The following SHC3 variants were observed in gnomAD, a reference collection of about 807,000 sequenced individuals.
The protein encoded by SHC3 is SHC-transforming protein 3.
In SHC3, 15 loss-of-function variants were observed where a neutral mutation model predicts 60.4. That is an observed-to-expected ratio of 0.25 (90% CI 0.17 to 0.38). The LOEUF is 0.38. Among genes scored for constraint, SHC3 ranks in the 10% least tolerant of loss-of-function variants. The probability of loss-of-function intolerance (pLI) is 1.00; values close to 1 mark genes in which losing one functional copy is unlikely to be tolerated. For synonymous variants in SHC3, 294 were observed against 325.9 expected (o/e 0.90, Z 1.05); for missense variants, 677 against 786.1 (o/e 0.86, Z 1.66).
At chr9:89,112,688 A>T in intron 1 of SHC3, 62 bp from the exon 2 acceptor site, 1 of 1,465,272 alleles carries the variant, frequency 6.8e-7, no homozygotes, top group Non-Finnish European at 9.2e-7. Flanking sequence ...ACAACTCCTA[A>T]CTATACAAGG....
At chr9:89,133,238 G>T (rs370199732) in intron 1 of SHC3, among the ~76,000 whole-genome samples, 1 of 152,062 alleles carries the variant, frequency 6.6e-6, no homozygotes, top group Admixed American at 6.6e-5. Context: ...TTAGAATGGC[G>T]ATCATTAAAA....
At chr9:89,081,959 G>A (rs1040478800) in intron 2 of SHC3, among the ~76,000 whole-genome samples, 1 of 152,034 alleles carries the variant, frequency 6.6e-6, no homozygotes, top group Non-Finnish European at 1.5e-5. Flanking sequence ...CAGGGGTGGA[G>A]AGGTGACACT....
chr9:89,071,144 G>T (rs1187695010), intron 5 of SHC3, 55 bp downstream of exon 5: 4 of 1,539,294 alleles, frequency 2.6e-6, no homozygotes, highest in Non-Finnish European at 3.6e-6. Flanking sequence ...TGAAGCAGGG[G>T]TCCCTTCTCA....
intron 6 of SHC3, among the ~76,000 whole-genome samples, chr9:89,061,670 C>T (rs1825092560): frequency 6.6e-6 from 1 of 152,230 alleles, no homozygotes; most frequent in Admixed American, 6.5e-5. Flanking sequence ...CCATGGTCAA[C>T]CTCAGTCCAA....
chr9:89,089,108 T>G (rs1825579871), intron 2 of SHC3, among the ~76,000 whole-genome samples: 1 of 152,202 alleles, frequency 6.6e-6, no homozygotes, highest in Non-Finnish European at 1.5e-5. Context: ...GTATTTCCCC[T>G]TTCTGATCAC....
chr9:89,164,508 G>A (rs894532950), intron 1 of SHC3, among the ~76,000 whole-genome samples: 1 of 152,008 alleles, frequency 6.6e-6, no homozygotes, highest in African/African-American at 2.4e-5. Context: ...CAGGAGATGA[G>A]GCTCCAGAAG....
chr9:89,050,493 C>T (rs1038189546), intron 7 of SHC3, among the ~76,000 whole-genome samples: 1 of 152,204 alleles, frequency 6.6e-6, no homozygotes. Context: ...ACTCTGTTGG[C>T]CAGGCTGGTC....
chr9:89,091,036 C>T (rs185651450), intron 2 of SHC3, among the ~76,000 whole-genome samples: 1 of 152,262 alleles, frequency 6.6e-6, no homozygotes, highest in African/African-American at 2.4e-5. Context: ...GATCTGAACA[C>T]ATGAAAACTC....
intron 1 of SHC3, among the ~76,000 whole-genome samples, chr9:89,113,881 A>T (rs1159597685): frequency 6.6e-6 from 1 of 152,210 alleles, no homozygotes; most frequent in Non-Finnish European, 1.5e-5. Flanking sequence ...GAGAAATATG[A>T]ATTAGGCTAC....
At chr9:89,087,505 C>T (rs542414306) in intron 2 of SHC3, among the ~76,000 whole-genome samples, 25 of 152,280 alleles carry the variant, frequency 1.6e-4, no homozygotes, top group Middle Eastern at 6.8e-3. Context: ...CACCACAGAG[C>T]CCAGGCAATC....
At chr9:89,020,148 C>A (rs903000819) in intron 11 of SHC3, among the ~76,000 whole-genome samples, 39 of 152,030 alleles carry the variant, frequency 2.6e-4, no homozygotes, top group African/African-American at 9.2e-4. Flanking sequence ...TAGGCTAGGG[C>A]AGAAATGCAC....
At chr9:89,143,365 A>G (rs1826422722) in intron 1 of SHC3, among the ~76,000 whole-genome samples, 1 of 151,284 alleles carries the variant, frequency 6.6e-6, no homozygotes, top group Admixed American at 6.6e-5. Flanking sequence ...CTTGACTGCA[A>G]CCTGTTTTAT....
chr9:89,023,842 T>C (rs1015732994), intron 11 of SHC3, among the ~76,000 whole-genome samples: 5 of 152,204 alleles, frequency 3.3e-5, no homozygotes, highest in African/African-American at 1.2e-4. Context: ...TCCTCATTTT[T>C]AAAAGGGTCT....
intron 2 of SHC3, among the ~76,000 whole-genome samples, chr9:89,086,915 C>G (rs1256229631): frequency 6.6e-6 from 1 of 152,176 alleles, no homozygotes; most frequent in Non-Finnish European, 1.5e-5. Flanking sequence ...GGGGCACATG[C>G]ACTGATCCTA....
chr9:89,100,330 A>G (rs1050899267), intron 2 of SHC3, among the ~76,000 whole-genome samples: 6 of 152,118 alleles, frequency 3.9e-5, no homozygotes, highest in African/African-American at 1.4e-4. Context: ...AAAGTTGAGA[A>G]CTTTTTTAAG....
intron 11 of SHC3, among the ~76,000 whole-genome samples, chr9:89,033,398 G>C: frequency 6.6e-6 from 1 of 151,986 alleles, no homozygotes; most frequent in South Asian, 2.1e-4. Flanking sequence ...TCATAGAATT[G>C]CTTGGGTATC....
intron 6 of SHC3, among the ~76,000 whole-genome samples, chr9:89,059,616 C>T (rs182771280): frequency 3.5e-4 from 24 of 68,016 alleles, no homozygotes; most frequent in Admixed American, 8.1e-4. Flanking sequence ...TGGTGCAGGG[C>T]GGTGGTGGAG....
chr9:89,099,479 G>T (rs1825752566), intron 2 of SHC3, among the ~76,000 whole-genome samples: 1 of 152,172 alleles, frequency 6.6e-6, no homozygotes, highest in Non-Finnish European at 1.5e-5. Context: ...CTTTTCAAAA[G>T]AATATTCCAT....
In SHC3 at chr9:89,178,142, C is replaced by A; in HGVS notation, c.319G>T (p.Ala107Ser). 8.4e-7 allele frequency: 1 copy of A among 1,193,172 alleles called. No homozygotes were observed. 73.9% of individuals were successfully genotyped at this position (1,193,172 alleles called of 1,614,324 possible). A position where few individuals can be genotyped will look rare whatever the true frequency, so the allele number is the denominator to read the frequency against. ...SGSCSAPSLAAPDGSAPSAPR... is the reference protein window; with the variant it reads ...SGSCSAPSLASPDGSAPSAPR... Reference sequence around the variant, plus strand: ...GCCGAGGGCGCACTGCCGTCCGGGGCGGCCAGGCTGGGCGCGCTGCAGCTG... The same window carrying A: ...GCCGAGGGCGCACTGCCGTCCGGGGAGGCCAGGCTGGGCGCGCTGCAGCTG... The change falls in exon 1 of 12, where the codon GCC becomes TCC. Residue 107 changes from alanine (A) to serine (S), a missense_variant. Physicochemically the swap from Ala to Ser is moderately conservative, Grantham distance 99 (BLOSUM62 1). Transcript: ENST00000375835. The surrounding 1 kb of genome is among the most constrained non-coding windows in gnomAD (Gnocchi z 6.9).
Sources: allele counts gnomAD v4.1 joint callset (sites outside exome capture counted in the v4.1 genomes callset), GRCh38; gene constraint gnomAD v4.1.1; non-coding constraint Gnocchi (gnomAD v3.1); transcripts MANE v1.5; gene names NCBI Gene and HGNC (gene_info 2026-07-23, HGNC 2026-07-21).